Variants in ADAM12 observed in about 807,000 individuals in gnomAD.
ADAM12 encodes disintegrin and metalloproteinase domain-containing protein 12.
In ADAM12, 70 loss-of-function variants were observed where a neutral mutation model predicts 106.4. The observed-to-expected ratio is 0.66, with a 90% CI of 0.54 to 0.80. ADAM12 has a LOEUF of 0.80. Among genes scored for constraint, ADAM12 ranks in the 30% least tolerant of loss-of-function variants. The probability of loss-of-function intolerance (pLI) is 0.00; values close to 1 mark genes in which losing one functional copy is unlikely to be tolerated. For missense variants in ADAM12, 1,010 were observed against 1,171.9 expected (o/e 0.86, Z 2.02); for synonymous variants, 420 against 433.5 (o/e 0.97, Z 0.39).
intron 4 of ADAM12, among the ~76,000 whole-genome samples, chr10:126,143,276 G>GTAT (rs1956553709): frequency 7.2e-6 from 1 of 138,200 alleles, no homozygotes; most frequent in African/African-American, 2.6e-5. Context: ...GTGTGTATAT[G>GTAT]GGTATGCATG....
intron 11 of ADAM12, among the ~76,000 whole-genome samples, chr10:126,084,313 C>A (rs928038953): frequency 4.6e-5 from 7 of 152,120 alleles, no homozygotes; most frequent in Non-Finnish European, 1.0e-4. Context: ...GACCAAGAAC[C>A]CAGGGGCGGG....
At position 126,019,737 on chromosome 10, in the gene ADAM12, G is replaced by C; in HGVS notation, c.2618C>G (p.Thr873Ser). Reference protein sequence around the residue: ...TTRLTHALARTPGQWETGLRL... With the variant: ...TTRLTHALARSPGQWETGLRL... ...GAGCCCAGTCTCCCATTGTCCTGGG[G>C]TCCTGGCCAAGGCATGAGTGAGCCG... Residue 873 changes from threonine to serine, a missense_variant, in exon 22 of 23, where the codon ACC becomes AGC. By Grantham distance (58) the Thr-to-Ser change is moderately conservative. Transcript: ENST00000448723. The C allele has an allele frequency of 6.2e-7, 1 of 1,614,160 alleles. No individual in the cohort carries two copies. The highest frequency in any genetic ancestry group is 8.5e-7 in the Non-Finnish European group (1 of 1,180,022).
chr10:126,135,481 C>G lies in ADAM12; in HGVS notation c.416+103G>C, dbSNP rs953814528. On this transcript the variant is annotated intron_variant, in intron 5 of 22. Coordinates refer to ENST00000448723, the MANE Select transcript of ADAM12 (RefSeq NM_001288973.2). ...GGTGGAGGTGTAGCTGAGCTGGGAGCCCCCATCACTCACTCTCAGTGCTTT... is the reference window on the plus strand; with the variant it reads ...GGTGGAGGTGTAGCTGAGCTGGGAGGCCCCATCACTCACTCTCAGTGCTTT... The G allele has an allele frequency of 5.4e-6, 6 of 1,109,366 alleles. No homozygotes were observed. In the African/African-American group the frequency reaches 9.4e-5, roughly 17 times the overall value. The allele number at this position is 1,109,366 out of a possible 1,614,324, so 68.7% of individuals were successfully genotyped here.
intron 3 of ADAM12, among the ~76,000 whole-genome samples, chr10:126,256,513 G>A (rs996721326): frequency 3.3e-5 from 5 of 151,668 alleles, no homozygotes; most frequent in Non-Finnish European, 5.9e-5. Context: ...TTGAGCCGTC[G>A]CTGTGTGTCA....
At chr10:126,125,305 C>T (rs575911489) in intron 5 of ADAM12, among the ~76,000 whole-genome samples, 9 of 143,054 alleles carry the variant, frequency 6.3e-5, no homozygotes, top group South Asian at 4.4e-4. Flanking sequence ...AGTACAGTGG[C>T]GTGATCTCAG....
intron 2 of ADAM12, among the ~76,000 whole-genome samples, chr10:126,308,533 T>C (rs369984012): frequency 2.0e-5 from 3 of 152,238 alleles, no homozygotes; most frequent in East Asian, 1.9e-4. Flanking sequence ...CATAGACATA[T>C]TGCTTTTACT....
chr10:126,276,530 C>A (rs777450397), intron 3 of ADAM12, among the ~76,000 whole-genome samples: 45 of 151,642 alleles, frequency 3.0e-4, no homozygotes, highest in Admixed American at 2.0e-4. Context: ...TAACCTTTTG[C>A]AAAAAAATTG....
At chr10:126,035,081 C>T (rs1288642939) in intron 21 of ADAM12, among the ~76,000 whole-genome samples, 1 of 152,110 alleles carries the variant, frequency 6.6e-6, no homozygotes. Flanking sequence ...GACAGAACTA[C>T]TAGACAGCAA....
chr10:126,085,807 T>C (rs1955327816), intron 11 of ADAM12, among the ~76,000 whole-genome samples: 1 of 152,226 alleles, frequency 6.6e-6, no homozygotes, highest in Non-Finnish European at 1.5e-5. Context: ...TCAAGAAGTA[T>C]TTATTGAGCT....
At chr10:126,330,589 AC>A in intron 1 of ADAM12, 80 bp from the exon 2 acceptor site, 1 of 1,242,802 alleles carries the variant, frequency 8.0e-7, no homozygotes, top group Non-Finnish European at 1.1e-6. Flanking sequence ...CATAAATGAC[AC>A]AGTGAAAATA....
intron 3 of ADAM12, among the ~76,000 whole-genome samples, chr10:126,172,920 T>C (rs890920252): frequency 2.6e-5 from 4 of 152,214 alleles, no homozygotes; most frequent in Admixed American, 1.3e-4. Flanking sequence ...TGGAATACTA[T>C]GCAGCCATAA....
intron 3 of ADAM12, among the ~76,000 whole-genome samples, chr10:126,177,873 A>G (rs943949126): frequency 7.2e-5 from 11 of 152,314 alleles, no homozygotes; most frequent in South Asian, 2.1e-4. Flanking sequence ...AAGGCTTTGC[A>G]TTTGAATGGA....
At chr10:126,157,089 C>G (rs1182146587) in intron 3 of ADAM12, among the ~76,000 whole-genome samples, 1 of 152,186 alleles carries the variant, frequency 6.6e-6, no homozygotes, top group African/African-American at 2.4e-5. Context: ...AAGCTAAGCC[C>G]ATCACAAATC....
chr10:126,156,344 G>A (rs1483477337), intron 3 of ADAM12, among the ~76,000 whole-genome samples: 5 of 152,192 alleles, frequency 3.3e-5, no homozygotes, highest in African/African-American at 7.2e-5. Flanking sequence ...GCTATGACAG[G>A]AAATATCCTC....
chr10:126,025,818 T>TA (rs1323748886), intron 21 of ADAM12, among the ~76,000 whole-genome samples: 1 of 152,166 alleles, frequency 6.6e-6, no homozygotes, highest in African/African-American at 2.4e-5. Context: ...GAAGGTAAGA[T>TA]ACTCCATGAG....
intron 3 of ADAM12, among the ~76,000 whole-genome samples, chr10:126,244,180 T>C (rs994610871): frequency 1.3e-5 from 2 of 152,162 alleles, no homozygotes; most frequent in African/African-American, 2.4e-5. Context: ...TGTACAACTA[T>C]GGGCAAAGTA....
intron 3 of ADAM12, among the ~76,000 whole-genome samples, chr10:126,252,127 T>C (rs1180410460): frequency 2.0e-5 from 3 of 148,550 alleles, no homozygotes; most frequent in African/African-American, 7.4e-5. Flanking sequence ...GATGGATGGA[T>C]GGATGGACAG....
intron 3 of ADAM12, among the ~76,000 whole-genome samples, chr10:126,174,957 T>C (rs10901550): frequency 0.46 from 69,776 of 151,666 alleles, 16,573 homozygotes; most frequent in African/African-American, 0.58. Flanking sequence ...GGGGTTTCAC[T>C]GTGTTAGCCA....
At chr10:126,323,048 G>A (rs1799374222) in intron 2 of ADAM12, among the ~76,000 whole-genome samples, 1 of 152,142 alleles carries the variant, frequency 6.6e-6, no homozygotes, top group Non-Finnish European at 1.5e-5. Flanking sequence ...CCATACCCAG[G>A]AACCCAGAGA....
Sources: gnomAD v4.1 joint callset for allele counts (sites outside exome capture counted in the v4.1 genomes callset) on GRCh38, gnomAD v4.1.1 for gene constraint, MANE v1.5 for transcripts, NCBI Gene and HGNC (gene_info 2026-07-23, HGNC 2026-07-21) for gene names.